The following DCUN1D1 variants were observed in gnomAD, a reference collection of about 807,000 sequenced individuals.
DCUN1D1 encodes defective in cullin neddylation 1 domain containing 1.
In DCUN1D1, 3 loss-of-function variants were observed where a neutral mutation model predicts 39.0. The observed-to-expected ratio is 0.08, with a 90% CI of 0.04 to 0.20. The LOEUF (loss-of-function observed/expected upper bound fraction) is 0.20, where lower values mean the gene tolerates loss of function less well. DCUN1D1 is among the 10% of genes least tolerant of loss of function. The probability of loss-of-function intolerance (pLI) is 1.00; values close to 1 mark genes in which losing one functional copy is unlikely to be tolerated. For synonymous variants in DCUN1D1, 82 were observed against 96.3 expected, an observed-to-expected ratio of 0.85 and a Z score of 0.87; for missense variants, 158 against 302.4, an observed-to-expected ratio of 0.52 and a Z score of 3.54.
intron 1 of DCUN1D1, among the ~76,000 whole-genome samples, chr3:182,967,156 AT>A (rs1454511965): frequency 8.5e-6 from 1 of 117,162 alleles, no homozygotes; most frequent in African/African-American, 3.1e-5. Context: ...ATATATATAT[AT>A]ATTTTCTGTG....
intron 3 of DCUN1D1, among the ~76,000 whole-genome samples, chr3:182,963,465 A>G (rs1487398117): frequency 6.6e-6 from 1 of 152,206 alleles, no homozygotes; most frequent in Non-Finnish European, 1.5e-5. Flanking sequence ...AAAGACATTC[A>G]GCTAATCAGC....
At chr3:182,950,942 G>A (rs1330871912) in intron 4 of DCUN1D1, 1 of 141,720 alleles carries the variant, frequency 7.1e-6, no homozygotes, top group African/African-American at 2.6e-5. Context: ...GGAGGCAAAG[G>A]TTGCAGTGAG....
chr3:182,963,988 T>A lies in DCUN1D1; in HGVS notation c.282A>T (p.Ala94=). The A allele has an allele frequency of 1.2e-6, 2 of 1,614,092 alleles. No homozygotes were observed. The highest frequency in any genetic ancestry group is 1.7e-6 in the Non-Finnish European group (2 of 1,179,966). Residue 94 remains alanine, a synonymous_variant, in exon 3 of 7, where the codon GCA becomes GCT. Transcript: ENST00000292782. Reference sequence around the variant, plus strand: ...ACACACTAATGCTGGCTGGATCGAGTGCCAGGTCATCACAGAACTGCTGTA... The same window carrying A: ...ACACACTAATGCTGGCTGGATCGAGAGCCAGGTCATCACAGAACTGCTGTA... ...DGIQQFCDDL[A]LDPASISVLI... is the part of the protein sequence containing the mutation.
chr3:182,965,928 A>C (rs1420227925), intron 1 of DCUN1D1, among the ~76,000 whole-genome samples, 175 bp from the exon 2 acceptor site: 6 of 152,320 alleles, frequency 3.9e-5, no homozygotes, highest in Non-Finnish European at 7.4e-5. Context: ...CTTTTAAAAA[A>C]TATGAAACAG....
At chr3:182,975,851 T>TAAAAAAAAAAA (rs533263687) in intron 1 of DCUN1D1, among the ~76,000 whole-genome samples, 1 of 66,818 alleles carries the variant, frequency 1.5e-5, no homozygotes, top group East Asian at 4.4e-4. Context: ...CCAGATATGC[T>TAAAAAAAAAAA]AAAAAAAAAA....
intron 1 of DCUN1D1, among the ~76,000 whole-genome samples, chr3:182,975,487 C>G (rs1480545887): frequency 6.6e-6 from 1 of 151,890 alleles, no homozygotes; most frequent in Non-Finnish European, 1.5e-5. Flanking sequence ...AAAATTAACA[C>G]AGAATTAACT....
upstream of DCUN1D1, chr3:182,980,646 G>GAGGCGGAGGGACGGAGGC (rs1246282513): frequency 2.7e-5 from 26 of 958,332 alleles, no homozygotes; most frequent in East Asian, 8.9e-4. Flanking sequence ...GGACCTCGGG[G>GAGGCGGAGGGACGGAGGC]AGGCGGAGGG....
chr3:182,971,587 A>AT (rs1433720250), intron 1 of DCUN1D1, among the ~76,000 whole-genome samples: 1 of 148,898 alleles, frequency 6.7e-6, no homozygotes, highest in African/African-American at 2.6e-5. Context: ...AAAAAAAAAA[A>AT]CAAAAAAAAA....
At chr3:182,982,703 C>T (rs1423924360), upstream of DCUN1D1, among the ~76,000 whole-genome samples, 6 of 152,242 alleles carry the variant, frequency 3.9e-5, no homozygotes, top group African/African-American at 1.2e-4. Context: ...AGTACAATGG[C>T]GCAATCTCAG....
At chr3:182,960,962 C>A (rs1321048286) in intron 4 of DCUN1D1, among the ~76,000 whole-genome samples, 1 of 152,130 alleles carries the variant, frequency 6.6e-6, no homozygotes, top group Non-Finnish European at 1.5e-5. Context: ...AAATAACTGT[C>A]AGTGGAATTT....
At chr3:182,948,870 A>G (rs990869899) in intron 4 of DCUN1D1, among the ~76,000 whole-genome samples, 6 of 151,998 alleles carry the variant, frequency 3.9e-5, no homozygotes, top group African/African-American at 1.4e-4. Flanking sequence ...CAACATGGTG[A>G]AACCCCATCG....
Position 182,938,740 on chromosome 3 carries a change from T to G in DCUN1D1, c.*6354A>C, listed in dbSNP as rs540917795. 2.0e-5 allele frequency: 3 copies of G among 152,194 alleles called. No homozygotes were observed. The highest frequency in any genetic ancestry group is 4.4e-5 in the Non-Finnish European group (3 of 68,034). The allele number at this position is 152,194 out of a possible 1,614,324, so 9.4% of individuals were successfully genotyped here. On this transcript the variant is annotated 3_prime_UTR_variant, in exon 7 of 7. Coordinates refer to ENST00000292782, the MANE Select transcript of DCUN1D1 (RefSeq NM_020640.4). ...AGCAACTAAATGGTATCAACTAAATTTTTATAAATTCCAAGAGTCGTTAAT... is the reference window on the plus strand; with the variant it reads ...AGCAACTAAATGGTATCAACTAAATGTTTATAAATTCCAAGAGTCGTTAAT...
Position 182,947,278 on chromosome 3 carries a change from A to G in DCUN1D1, c.660T>C (p.Ser220=). The stretch of plus-strand genomic sequence containing the variant: ...TAGACATGTCATCTGCAATCATCGT[A>G]CTGAAGTCTAAAAGAAGATTCCAAG... ...KDTWNLLLDF[S]TMIADDMSNY... Residue 220 remains serine, a synonymous_variant, in exon 6 of 7, where the codon AGT becomes AGC. Transcript: ENST00000292782. 5.0e-6 allele frequency: 8 copies of G among 1,610,288 alleles called. No homozygotes were observed. The highest frequency in any genetic ancestry group is 6.8e-6 in the Non-Finnish European group (8 of 1,178,886).
intron 1 of DCUN1D1, 177 bp downstream of exon 1, chr3:182,980,310 G>A (rs1728473621): frequency 2.7e-6 from 1 of 366,294 alleles, no homozygotes; most frequent in Admixed American, 6.5e-5. Context: ...GGGCGGGAAG[G>A]GGCGAAGGAG....
At chr3:182,955,624 C>T (rs1215084790) in intron 4 of DCUN1D1, 5 of 427,402 alleles carry the variant, frequency 1.2e-5, no homozygotes, top group Non-Finnish European at 2.3e-5. Context: ...CGCTCTGTCA[C>T]CCAGGCTGGA....
At chr3:182,980,445 GC>G (rs1337591590) in intron 1 of DCUN1D1, 41 bp downstream of exon 1, 8 of 1,093,824 alleles carry the variant, frequency 7.3e-6, no homozygotes, top group Non-Finnish European at 5.6e-6. Context: ...GGCAGCGCCG[GC>G]CCCCAGCCGG....
chr3:182,984,593 C>T (rs1441056259), upstream of DCUN1D1, among the ~76,000 whole-genome samples: 1 of 152,024 alleles, frequency 6.6e-6, no homozygotes, highest in Non-Finnish European at 1.5e-5. Flanking sequence ...CCTCCTCTCT[C>T]TACCCCACCA....
At position 182,941,201 on chromosome 3, in the gene DCUN1D1, G is replaced by A. The variant is rs1007923863; in HGVS notation, c.*3893C>T. 2 of 151,956 alleles carry A rather than the reference G, an allele frequency of 1.3e-5. No homozygotes were observed. The highest frequency in any genetic ancestry group is 1.9e-4 in the East Asian group (1 of 5,198). The allele number at this position is 151,956 out of a possible 1,614,324, so 9.4% of individuals were successfully genotyped here. On this transcript the variant is annotated 3_prime_UTR_variant, in exon 7 of 7. Transcript: ENST00000292782. ...ACAGCACTATTTGCCTCCAGAAATC[G>A]GGTACAAATAAAGCAAATATTTAAG...
intron 4 of DCUN1D1, among the ~76,000 whole-genome samples, chr3:182,950,388 C>A (rs935711142): frequency 1.3e-5 from 2 of 151,980 alleles, no homozygotes; most frequent in African/African-American, 4.8e-5. Context: ...CCTTGTGATC[C>A]GCCTGCCTCA....
Sources: allele counts gnomAD v4.1 joint callset (sites outside exome capture counted in the v4.1 genomes callset), GRCh38; gene constraint gnomAD v4.1.1; transcripts MANE v1.5; gene names NCBI Gene and HGNC (gene_info 2026-07-23, HGNC 2026-07-21).